MTUS2: variants seen among roughly 807,000 people sequenced by gnomAD.
MTUS2 encodes microtubule associated scaffold protein 2.
In MTUS2, 40 loss-of-function variants were observed where a neutral mutation model predicts 114.1. The ratio of observed to expected loss-of-function variants is 0.35; its 90% CI spans 0.27 to 0.46. MTUS2 has a LOEUF of 0.46. MTUS2 is among the 20% of genes least tolerant of loss of function. MTUS2 has a pLI of 1.00. For synonymous variants in MTUS2, 688 were observed against 672.0 expected (o/e 1.02, Z -0.37); for missense variants, 1,679 against 1,705.4 (o/e 0.98, Z 0.27).
At chr13:29,326,752 G>A (rs970844653) in intron 7 of MTUS2, among the ~76,000 whole-genome samples, 3 of 152,094 alleles carry the variant, frequency 2.0e-5, no homozygotes, top group Admixed American at 2.0e-4. Flanking sequence ...AGGCTGAGGT[G>A]GGTGGATTAC....
intron 8 of MTUS2, among the ~76,000 whole-genome samples, chr13:29,422,652 T>C (rs570060860): frequency 4.3e-5 from 6 of 138,334 alleles, no homozygotes; most frequent in African/African-American, 8.1e-5. Context: ...TCTTTTCTTT[T>C]TTTTTTTTTT....
At chr13:28,824,100 A>G (rs142419317) in intron 1 of MTUS2, among the ~76,000 whole-genome samples, 23 of 152,350 alleles carry the variant, frequency 1.5e-4, no homozygotes, top group African/African-American at 4.6e-4. Context: ...GCCTAAGGCC[A>G]TGTGTCTGGG....
At chr13:29,022,526 C>T (rs1193808323) in intron 2 of MTUS2, among the ~76,000 whole-genome samples, 1 of 152,132 alleles carries the variant, frequency 6.6e-6, no homozygotes, top group Non-Finnish European at 1.5e-5. Context: ...AACATATTAA[C>T]AGGGATAAAG....
intron 5 of MTUS2, among the ~76,000 whole-genome samples, chr13:29,187,512 A>G (rs1169387126): frequency 6.6e-6 from 1 of 152,224 alleles, no homozygotes; most frequent in East Asian, 1.9e-4. Flanking sequence ...ATAAATTACT[A>G]GGAAGAAAAC....
At chr13:28,908,321 G>A (rs1880182589) in intron 2 of MTUS2, among the ~76,000 whole-genome samples, 1 of 151,266 alleles carries the variant, frequency 6.6e-6, no homozygotes, top group Admixed American at 6.6e-5. Flanking sequence ...GCCCCGGTGG[G>A]TGATGTTCCC....
chr13:29,126,738 C>T (rs138826225), intron 5 of MTUS2, among the ~76,000 whole-genome samples: 98 of 151,996 alleles, frequency 6.4e-4, no homozygotes, highest in African/African-American at 2.3e-3. Context: ...TATTGGACAC[C>T]CCTGCTCTAC....
chr13:29,309,162 A>C (rs1023485803), intron 6 of MTUS2, among the ~76,000 whole-genome samples: 2 of 152,216 alleles, frequency 1.3e-5, no homozygotes, highest in African/African-American at 4.8e-5. Flanking sequence ...AATAGCAAAG[A>C]CATGGAGTCA....
chr13:29,281,984 A>G, intron 6 of MTUS2, 119 bp downstream of exon 6: 3 of 1,160,200 alleles, frequency 2.6e-6, no homozygotes, highest in East Asian at 2.5e-5. Flanking sequence ...ATTAAATGAT[A>G]GTTAGTAACA....
intron 7 of MTUS2, among the ~76,000 whole-genome samples, chr13:29,354,880 C>T (rs1428717259): frequency 6.6e-6 from 1 of 152,214 alleles, no homozygotes; most frequent in African/African-American, 2.4e-5. Flanking sequence ...AAGAACTCAG[C>T]GCAGGGACTC....
chr13:28,846,483 T>G (rs1875895782), intron 2 of MTUS2, among the ~76,000 whole-genome samples: 1 of 151,720 alleles, frequency 6.6e-6, no homozygotes. Flanking sequence ...GTGTGTCTTT[T>G]AAATGTTTTA....
chr13:29,389,947 G>A (rs111216622), intron 8 of MTUS2, among the ~76,000 whole-genome samples: 39,773 of 42,506 alleles, frequency 0.94, 18,952 homozygotes, highest in Middle Eastern at 0.99. Context: ...GTATGTATAT[G>A]TGTATGTGTA....
chr13:28,851,374 CA>C (rs1359799225), intron 2 of MTUS2, among the ~76,000 whole-genome samples: 15 of 152,162 alleles, frequency 9.9e-5, no homozygotes, highest in Non-Finnish European at 2.1e-4. Context: ...CAGTGGTTCC[CA>C]AAGCCATGGC....
intron 2 of MTUS2, among the ~76,000 whole-genome samples, chr13:28,849,647 G>T (rs1416562466): frequency 2.0e-5 from 3 of 152,114 alleles, no homozygotes; most frequent in African/African-American, 7.2e-5. Context: ...ATCTGTGCTG[G>T]CTTTGCTGGG....
At chr13:28,829,530 TAA>T (rs35896652) in intron 1 of MTUS2, among the ~76,000 whole-genome samples, 3 of 147,938 alleles carry the variant, frequency 2.0e-5, no homozygotes, top group Admixed American at 6.7e-5. Context: ...GGACTCCGTC[TAA>T]AAAAAAAAAC....
At chr13:29,096,747 T>C (rs1008889918) in intron 4 of MTUS2, among the ~76,000 whole-genome samples, 1 of 152,088 alleles carries the variant, frequency 6.6e-6, no homozygotes, top group Non-Finnish European at 1.5e-5. Flanking sequence ...GAAGCTGGGG[T>C]TGGGGACAGT....
intron 2 of MTUS2, among the ~76,000 whole-genome samples, chr13:28,995,119 G>A (rs1029234377): frequency 4.6e-5 from 7 of 152,166 alleles, no homozygotes; most frequent in African/African-American, 1.7e-4. Flanking sequence ...TTCTACATAT[G>A]GCTAGCCAGT....
chr13:29,171,931 T>G (rs1893578987), intron 5 of MTUS2, among the ~76,000 whole-genome samples: 1 of 152,236 alleles, frequency 6.6e-6, no homozygotes, highest in South Asian at 2.1e-4. Flanking sequence ...TTACGTCTCC[T>G]GAGTCAGAAC....
rs147609687 is a variant in MTUS2 at position 29,391,744 on chromosome 13, G to C, written c.3117+32271G>C. On this transcript the variant is annotated intron_variant, in intron 8 of 15. Coordinates refer to ENST00000612955, the MANE Select transcript of MTUS2 (RefSeq NM_001033602.4). ...AACATAAATACACAACAAAAGCTAC[G>C]ATTAAAAGCTACGATTTTAATCATT... is the stretch of plus-strand genomic sequence containing the variant. 2.0e-5 allele frequency among the ~76,000 whole-genome samples: 3 copies of C among 151,638 alleles called. No homozygotes were observed. The South Asian group carries it at 6.3e-4, about 32-fold the overall frequency.
intron 8 of MTUS2, among the ~76,000 whole-genome samples, chr13:29,410,286 G>A (rs545744564): frequency 9.2e-5 from 14 of 152,034 alleles, no homozygotes; most frequent in South Asian, 2.1e-4. Flanking sequence ...CACCATGACC[G>A]ACTAATTTTT....
Sources: gnomAD v4.1 joint callset for allele counts (sites outside exome capture counted in the v4.1 genomes callset) on GRCh38, gnomAD v4.1.1 for gene constraint, MANE v1.5 for transcripts, NCBI Gene and HGNC (gene_info 2026-07-23, HGNC 2026-07-21) for gene names.